The following SHANK2 variants were observed in gnomAD, a reference collection of about 807,000 sequenced individuals.
The protein encoded by SHANK2 is SH3 and multiple ankyrin repeat domains 2, also known as SH3 and multiple ankyrin repeat domains protein 2.
A neutral mutation model predicts 133.7 loss-of-function variants in SHANK2; 43 were observed. The ratio of observed to expected loss-of-function variants is 0.32; its 90% CI spans 0.25 to 0.41. The LOEUF is 0.41. Among genes scored for constraint, SHANK2 ranks in the 10% least tolerant of loss-of-function variants. SHANK2 has a pLI of 1.00. For missense variants in SHANK2, 1,994 were observed against 2,235.8 expected (o/e 0.89, Z 2.18); for synonymous variants, 1,017 against 952.8 (o/e 1.07, Z -1.24).
intron 9 of SHANK2, among the ~76,000 whole-genome samples, chr11:71,063,046 G>A (rs1368491960): frequency 2.0e-5 from 3 of 147,466 alleles, no homozygotes; most frequent in Non-Finnish European, 3.0e-5. Flanking sequence ...AAGAGAAAGA[G>A]AGAGAAAGAA....
At chr11:70,632,228 T>C (rs900641627) in intron 17 of SHANK2, among the ~76,000 whole-genome samples, 1 of 151,930 alleles carries the variant, frequency 6.6e-6, no homozygotes, top group Non-Finnish European at 1.5e-5. Flanking sequence ...TTCATGCCAT[T>C]CTCCTGCCTC....
At chr11:70,573,933 T>C (rs2060083032) in intron 17 of SHANK2, among the ~76,000 whole-genome samples, 1 of 152,216 alleles carries the variant, frequency 6.6e-6, no homozygotes, top group African/African-American at 2.4e-5. Flanking sequence ...CTCCACACCC[T>C]GCCCCAGGGG....
intron 2 of SHANK2, among the ~76,000 whole-genome samples, chr11:71,168,588 CGAGGCTGGCG>C (rs1490405517): frequency 6.6e-6 from 1 of 152,128 alleles, no homozygotes; most frequent in Non-Finnish European, 1.5e-5. Flanking sequence ...TTCAGGATGC[CGAGGCTGGCG>C]GATCACTCGC....
intron 1 of SHANK2, among the ~76,000 whole-genome samples, chr11:71,251,972 T>C (rs1948190741): frequency 6.6e-6 from 1 of 151,884 alleles, no homozygotes. Flanking sequence ...CTGGGCTCGC[T>C]GGCCCGGGTC....
chr11:70,504,152 T>C (rs556017916), intron 17 of SHANK2, among the ~76,000 whole-genome samples: 10 of 152,376 alleles, frequency 6.6e-5, no homozygotes, highest in African/African-American at 2.4e-4. Context: ...CAAGACGTCA[T>C]GCCCCTCACC....
chr11:70,685,654 G>A (rs1012858759), intron 15 of SHANK2, among the ~76,000 whole-genome samples: 8 of 152,180 alleles, frequency 5.3e-5, no homozygotes, highest in Non-Finnish European at 1.2e-4. Context: ...CAGGTGCCCA[G>A]TGCTTCATTC....
intron 14 of SHANK2, among the ~76,000 whole-genome samples, chr11:70,703,106 T>C (rs1945574724): frequency 1.3e-5 from 2 of 152,318 alleles, no homozygotes; most frequent in South Asian, 4.1e-4. Context: ...CTCAGATCTG[T>C]GCCTCCACAA....
chr11:70,646,052 G>A lies in SHANK2; in HGVS notation c.2061+13776C>T, dbSNP rs367724825. 8 of 151,456 alleles carry A rather than the reference G, an allele frequency of 5.3e-5. No homozygotes were observed. The East Asian group carries it at 1.2e-3, about 22-fold the overall frequency. 9.4% of individuals were successfully genotyped at this position (151,456 alleles called of 1,614,324 possible). A position where few individuals can be genotyped will look rare whatever the true frequency, so the allele number is the denominator to read the frequency against. ...CAGTAAGTGCTCAAGAAGTGGCAGA[G>A]GTCATTATTGAAACAGTCCTTGTTA... On this transcript the variant is annotated intron_variant, in intron 17 of 25. Transcript: ENST00000601538.
chr11:71,201,808 T>C (rs575753115), intron 2 of SHANK2, among the ~76,000 whole-genome samples: 2 of 152,194 alleles, frequency 1.3e-5, no homozygotes, highest in South Asian at 4.2e-4. Context: ...GGGATGAATC[T>C]GTGGGAAGGA....
At chr11:70,588,738 T>C (rs1046857264) in intron 17 of SHANK2, among the ~76,000 whole-genome samples, 4 of 152,250 alleles carry the variant, frequency 2.6e-5, no homozygotes, top group African/African-American at 9.6e-5. Flanking sequence ...ATGGAGAAGC[T>C]GCAGCAAGTT....
intron 1 of SHANK2, among the ~76,000 whole-genome samples, chr11:71,235,068 G>A (rs1555123527): frequency 6.6e-6 from 1 of 152,040 alleles, no homozygotes; most frequent in Non-Finnish European, 1.5e-5. Context: ...AAATACACTG[G>A]GCTTTGTCCC....
In SHANK2 at chr11:70,902,207, C is replaced by T. The variant is rs563270827; in HGVS notation, c.1108-5640G>A. ...CACACTGGGCATTTGTATGAGACGC[C>T]TCACTGGCATTCTAAATCATCCTAA... On this transcript the variant is annotated intron_variant, in intron 10 of 25. Coordinates refer to ENST00000601538, the MANE Select transcript of SHANK2 (RefSeq NM_012309.5). Among the ~76,000 whole-genome samples the T allele has an allele frequency of 2.0e-5, 3 of 152,370 alleles. No homozygotes were observed. The East Asian group carries it at 5.8e-4, about 29-fold the overall frequency.
At chr11:70,592,122 C>T (rs1554988182) in intron 17 of SHANK2, among the ~76,000 whole-genome samples, 1 of 152,076 alleles carries the variant, frequency 6.6e-6, no homozygotes, top group Non-Finnish European at 1.5e-5. Context: ...TGCAGGAAGC[C>T]CAGTCCCTGT....
chr11:71,185,176 G>A (rs1016167128), intron 2 of SHANK2, among the ~76,000 whole-genome samples: 2 of 152,156 alleles, frequency 1.3e-5, no homozygotes, highest in Non-Finnish European at 2.9e-5. Flanking sequence ...AGCCAGCACT[G>A]CCCACACTGT....
intron 10 of SHANK2, among the ~76,000 whole-genome samples, chr11:70,915,479 G>A (rs1355056903): frequency 6.6e-6 from 1 of 152,176 alleles, no homozygotes; most frequent in African/African-American, 2.4e-5. Context: ...CCAAGTATGG[G>A]AAGGGACGGT....
chr11:70,643,387 A>C (rs7950581), intron 17 of SHANK2, among the ~76,000 whole-genome samples: 13,572 of 151,870 alleles, frequency 0.089, 1,287 homozygotes, highest in African/African-American at 0.25. Flanking sequence ...CACAGTGAAA[A>C]CCCGTCTCTA....
chr11:70,818,937 G>C (rs915226284), intron 12 of SHANK2, among the ~76,000 whole-genome samples: 1 of 152,242 alleles, frequency 6.6e-6, no homozygotes, highest in Non-Finnish European at 1.5e-5. Context: ...AAACTCACAC[G>C]GAGCTTGCCA....
At chr11:70,620,747 T>C (rs35485971) in intron 17 of SHANK2, among the ~76,000 whole-genome samples, 24,767 of 152,140 alleles carry the variant, frequency 0.16, 2,579 homozygotes, top group Non-Finnish European at 0.24. Context: ...TTAGTGTCCT[T>C]ATAAGAAGAA....
At chr11:70,540,318 G>A (rs977571737) in intron 17 of SHANK2, among the ~76,000 whole-genome samples, 3 of 151,990 alleles carry the variant, frequency 2.0e-5, no homozygotes, top group Non-Finnish European at 4.4e-5. Flanking sequence ...ACCAGCAAGC[G>A]GGGCGCCCAC....
Sources: allele counts gnomAD v4.1 joint callset (sites outside exome capture counted in the v4.1 genomes callset), GRCh38; gene constraint gnomAD v4.1.1; transcripts MANE v1.5; gene names NCBI Gene and HGNC (gene_info 2026-07-23, HGNC 2026-07-21).